Variants in TACR1 observed in about 807,000 individuals in gnomAD.
The protein encoded by TACR1 is substance-P receptor.
A neutral mutation model predicts 35.8 loss-of-function variants in TACR1; 25 were observed. The ratio of observed to expected loss-of-function variants is 0.70; its 90% confidence interval spans 0.51 to 0.98. The LOEUF is 0.98. Among genes scored for constraint, TACR1 ranks in the 50% least tolerant of loss-of-function variants. The pLI is 0.00. For missense variants in TACR1, 478 were observed against 522.9 expected (o/e 0.91, Z 0.84); for synonymous variants, 195 against 206.7 (o/e 0.94, Z 0.48).
intron 2 of TACR1, among the ~76,000 whole-genome samples, chr2:75,073,012 T>C (rs1325200377): frequency 6.6e-5 from 10 of 152,210 alleles, no homozygotes; most frequent in Non-Finnish European, 1.3e-4. Context: ...ATTCATTAAA[T>C]ACTATCTCAA....
chr2:75,187,268 GCAAA>G (rs1675730012), intron 1 of TACR1: 1 of 152,202 alleles, frequency 6.6e-6, no homozygotes, highest in South Asian at 2.1e-4. Flanking sequence ...AAGCAAATAC[GCAAA>G]CAAATGCAGA....
chr2:75,198,620 G>T lies in TACR1; in HGVS notation c.315C>A (p.Cys105Ter), dbSNP rs1202200719. The T allele has an allele frequency of 1.9e-6, 3 of 1,614,088 alleles. No homozygotes were observed. Among genetic ancestry groups the T allele is most frequent in the Non-Finnish European group, 2.5e-6 (3 of 1,180,038 alleles). The change falls in exon 1 of 5, where the codon TGC (cysteine) becomes TGA (stop). Residue 105 changes from cysteine (C) to a stop codon, truncating the protein, a stop_gained. Transcript: ENST00000305249. LOFTEE classifies it high-confidence loss of function. ...HNEWYYGLFY[C>*]KFHNFFPIAA... ...CGATGGGAAAGAAGTTGTGGAACTT[G>T]CAGTAGAACAGGCCGTAGTACCATT...
intron 1 of TACR1, among the ~76,000 whole-genome samples, chr2:75,161,448 C>T (rs755767438): frequency 6.6e-6 from 1 of 151,948 alleles, no homozygotes; most frequent in Non-Finnish European, 1.5e-5. Context: ...ATTAGAAATA[C>T]ATACTAAAAT....
intron 2 of TACR1, among the ~76,000 whole-genome samples, chr2:75,061,448 G>C (rs1438354428): frequency 1.3e-5 from 2 of 152,070 alleles, no homozygotes; most frequent in African/African-American, 4.8e-5. Context: ...AGAGGAGAGA[G>C]CAGTCGTTAA....
intron 2 of TACR1, among the ~76,000 whole-genome samples, chr2:75,071,060 C>T (rs192040000): frequency 6.4e-4 from 98 of 152,300 alleles, no homozygotes; most frequent in African/African-American, 2.0e-3. Flanking sequence ...GGAACACAGT[C>T]ATGCCCGTTC....
At chr2:75,056,463 C>G (rs577303748) in intron 2 of TACR1, among the ~76,000 whole-genome samples, 198 of 152,320 alleles carry the variant, frequency 1.3e-3, no homozygotes, top group Non-Finnish European at 2.1e-3. Flanking sequence ...TTCAAACCAG[C>G]CAATCTTAAA....
At chr2:75,091,538 G>A (rs894561558) in intron 2 of TACR1, among the ~76,000 whole-genome samples, 4 of 152,106 alleles carry the variant, frequency 2.6e-5, no homozygotes, top group African/African-American at 9.7e-5. Flanking sequence ...AAAAACTAAC[G>A]TTCATAACTG....
chr2:75,159,007 C>A (rs1053106738), intron 1 of TACR1, among the ~76,000 whole-genome samples: 1 of 152,010 alleles, frequency 6.6e-6, no homozygotes, highest in Admixed American at 6.6e-5. Flanking sequence ...TCATTTAATT[C>A]TTACTACAAC....
intron 1 of TACR1, chr2:75,186,716 A>T (rs928858673): frequency 6.6e-5 from 10 of 151,698 alleles, no homozygotes; most frequent in African/African-American, 1.4e-4. Flanking sequence ...ATCCTTCCAG[A>T]CTCATCTGCT....
chr2:75,140,118 A>G (rs1238323688), intron 1 of TACR1, among the ~76,000 whole-genome samples: 1 of 152,138 alleles, frequency 6.6e-6, no homozygotes, highest in Non-Finnish European at 1.5e-5. Flanking sequence ...TGAGAATGGA[A>G]ATACTCACAT....
intron 1 of TACR1, among the ~76,000 whole-genome samples, chr2:75,157,069 A>T (rs1674879132): frequency 6.6e-6 from 1 of 152,018 alleles, no homozygotes. Flanking sequence ...GCTGACCTGG[A>T]TCAATGGTTT....
intron 1 of TACR1, among the ~76,000 whole-genome samples, chr2:75,143,086 G>A (rs889956606): frequency 6.6e-6 from 1 of 152,096 alleles, no homozygotes; most frequent in African/African-American, 2.4e-5. Flanking sequence ...GTGCTAACAA[G>A]GGAGGGAGGA....
At chr2:75,089,911 C>A (rs933504033) in intron 2 of TACR1, among the ~76,000 whole-genome samples, 1 of 152,136 alleles carries the variant, frequency 6.6e-6, no homozygotes, top group Non-Finnish European at 1.5e-5. Context: ...CTGGAAAGCA[C>A]CACCTAGACT....
At chr2:75,183,490 C>A (rs1305533941) in intron 1 of TACR1, among the ~76,000 whole-genome samples, 1 of 152,164 alleles carries the variant, frequency 6.6e-6, no homozygotes, top group African/African-American at 2.4e-5. Flanking sequence ...GTGAAAAAGT[C>A]TGCATTGCTA....
rs775457781 is a variant in TACR1, at chr2:75,198,499, G to A, written c.389+47C>T. On this transcript the variant is annotated intron_variant, in intron 1 of 4. Transcript: ENST00000305249. ...GTTCCAAACCTCACAGCAATGCCGTGGTCCTCTATGAGCACTTTCTCGCCT... is the reference window on the plus strand; with the variant it reads ...GTTCCAAACCTCACAGCAATGCCGTAGTCCTCTATGAGCACTTTCTCGCCT... 19 of 1,592,052 alleles carry A rather than the reference G, an allele frequency of 1.2e-5. No homozygotes were observed. In the Admixed American group the frequency reaches 1.5e-4, roughly 13 times the overall value.
intron 1 of TACR1, among the ~76,000 whole-genome samples, chr2:75,133,210 C>A (rs913322778): frequency 2.6e-5 from 4 of 152,172 alleles, no homozygotes; most frequent in Non-Finnish European, 5.9e-5. Context: ...TCTTGCAAGA[C>A]AATGAATGAT....
intron 2 of TACR1, among the ~76,000 whole-genome samples, chr2:75,057,370 A>G (rs952898511): frequency 2.0e-5 from 3 of 151,828 alleles, no homozygotes; most frequent in African/African-American, 7.3e-5. Context: ...CCCCACCCCT[A>G]TCTCCCTTCA....
At chr2:75,095,925 C>G (rs933725555) in intron 2 of TACR1, among the ~76,000 whole-genome samples, 1 of 152,108 alleles carries the variant, frequency 6.6e-6, no homozygotes, top group Non-Finnish European at 1.5e-5. Flanking sequence ...CTGGCCTGGG[C>G]GGGACTTACA....
At chr2:75,187,678 TAAATTGG>T (rs1195013678) in intron 1 of TACR1, 2 of 152,208 alleles carry the variant, frequency 1.3e-5, no homozygotes, top group Admixed American at 1.3e-4. Flanking sequence ...CTCAACTTAC[TAAATTGG>T]ATTGGCTGTG....
Sources: allele counts gnomAD v4.1 joint callset (sites outside exome capture counted in the v4.1 genomes callset), GRCh38; gene constraint gnomAD v4.1.1; transcripts MANE v1.5; gene names NCBI Gene and HGNC (gene_info 2026-07-23, HGNC 2026-07-21).